NICN1: variants seen among roughly 807,000 people sequenced by gnomAD.
NICN1 encodes nicolin 1, tubulin polyglutamylase complex subunit, also known as nicolin-1.
In NICN1, 18 loss-of-function variants were observed where a neutral mutation model predicts 26.3. The ratio of observed to expected loss-of-function variants is 0.68; its 90% CI spans 0.47 to 1.01. The LOEUF (loss-of-function observed/expected upper bound fraction) is 1.01, where lower values mean the gene tolerates loss of function less well. NICN1 is among the 50% of genes least tolerant of loss of function. NICN1 has a pLI of 0.00. For synonymous variants in NICN1, 109 were observed against 111.0 expected, an observed-to-expected ratio of 0.98 and a Z score of 0.11; for missense variants, 239 against 278.3, an observed-to-expected ratio of 0.86 and a Z score of 1.00.
At position 49,425,950 on chromosome 3, in the gene NICN1, C is replaced by T. The variant is rs780788492; in HGVS notation, c.356G>A (p.Arg119Gln). The change falls in exon 3 of 6, where the codon CGG (arginine) becomes CAG (glutamine). Residue 119 changes from arginine to glutamine, a missense_variant. Coordinates refer to ENST00000273598, the MANE Select transcript of NICN1 (RefSeq NM_032316.3). The part of the protein sequence containing the change: ...ARISELRLIL[R>Q]QPSPLWLSFT... ...AGACAGCCACAGTGGTGATGGCTGCCGCAGAATCAGGCGTAGCTCCGATAT... is the reference window on the plus strand; with the variant it reads ...AGACAGCCACAGTGGTGATGGCTGCTGCAGAATCAGGCGTAGCTCCGATAT... 2.8e-5 allele frequency: 45 copies of T among 1,612,344 alleles called. No individual in the cohort carries two copies. Among genetic ancestry groups the T allele is most frequent in the South Asian group, 8.8e-5 (8 of 90,972 alleles).
In NICN1 at chr3:49,429,095, C is replaced by T. The variant is rs772287234; in HGVS notation, c.132+13G>A. The T allele has an allele frequency of 6.3e-7, 1 of 1,589,710 alleles. No individual in the cohort carries two copies. The highest frequency in any genetic ancestry group is 8.6e-7 in the Non-Finnish European group (1 of 1,167,734). Reference sequence around the variant, plus strand: ...GCCCGGGAGCCTCGGTCGCGCCCACCAGGCTTGCTCACCTCGAAGGGAGCG... The same window carrying T: ...GCCCGGGAGCCTCGGTCGCGCCCACTAGGCTTGCTCACCTCGAAGGGAGCG... On this transcript the variant is annotated intron_variant, in intron 1 of 5. Transcript: ENST00000273598.
At position 49,429,116 on chromosome 3, in the gene NICN1, G is replaced by A; in HGVS notation, c.124C>T (p.Pro42Ser). 2 of 1,606,716 alleles carry A rather than the reference G, an allele frequency of 1.2e-6. No individual in the cohort carries two copies. The highest frequency in any genetic ancestry group is 1.7e-6 in the Non-Finnish European group (2 of 1,176,762). The change falls in exon 1 of 6, where the codon CCC (proline) becomes TCC (serine). Residue 42 changes from proline (P) to serine (S), a missense_variant. Pro to Ser is a moderately conservative substitution (Grantham distance 74). Transcript: ENST00000273598. ...CCACCAGGCTTGCTCACCTCGAAGG[G>A]AGCGACGCTGGGGAAGGTGACATCG... ...VIDVTFPSVA[P>S]FELQEITFKN... is the part of the protein sequence containing the mutation.
At chr3:49,427,178 G>A (rs367582532) in intron 1 of NICN1, among the ~76,000 whole-genome samples, 2 of 152,046 alleles carry the variant, frequency 1.3e-5, no homozygotes, top group Non-Finnish European at 2.9e-5. Flanking sequence ...AAAATTAGCC[G>A]GGCTTGGTGG....
In NICN1 at chr3:49,426,379, C is replaced by T. The variant is rs779757417; in HGVS notation, c.182G>A (p.Arg61His). The T allele has an allele frequency of 1.3e-5, 21 of 1,613,968 alleles. No individual in the cohort carries two copies. The highest frequency in any genetic ancestry group is 1.6e-4 in the Middle Eastern group (1 of 6,084). The change falls in exon 2 of 6, where the codon CGT (arginine) becomes CAT (histidine). Residue 61 changes from arginine to histidine, a missense_variant. Arg to His is a conservative substitution (Grantham distance 29, BLOSUM62 0). Transcript: ENST00000273598. ...KNYYTAFLSI[R>H]VRQYTSAHTP... ...GTGTGCTGAGGTGTACTGACGGACA[C>T]GGATGCTCAAAAAAGCTGTGTAGTA...
chr3:49,422,460 C>A lies in NICN1; in HGVS notation c.*2373G>T. ...TTACAGCCCTCTGCATCGTCGCCTGCAACGAGTGCAGACGGCGCACAGAGG... is the reference window on the plus strand; with the variant it reads ...TTACAGCCCTCTGCATCGTCGCCTGAAACGAGTGCAGACGGCGCACAGAGG... On this transcript the variant is annotated 3_prime_UTR_variant, in exon 6 of 6. Coordinates refer to ENST00000273598, the MANE Select transcript of NICN1 (RefSeq NM_032316.3). 6.2e-7 allele frequency: 1 copy of A among 1,612,230 alleles called. No homozygotes were observed. Among genetic ancestry groups the A allele is most frequent in the Non-Finnish European group, 8.5e-7 (1 of 1,179,486 alleles).
rs1334148668 is a variant in NICN1, at chr3:49,429,155, C to G, written c.85G>C (p.Gly29Arg). ...GDVRTSQGRP[G>R]VLVIDVTFPS... ...AAGGTGACATCGATGACCAGCACGC[C>G]AGGCCGGCCTTGGGAGGTCCGCACG... Residue 29 changes from glycine (G) to arginine (R), a missense_variant, in exon 1 of 6, where the codon GGC becomes CGC. Coordinates refer to ENST00000273598, the MANE Select transcript of NICN1 (RefSeq NM_032316.3). 6.2e-7 allele frequency: 1 copy of G among 1,611,212 alleles called. No individual in the cohort carries two copies. Among genetic ancestry groups the G allele is most frequent in the Non-Finnish European group, 8.5e-7 (1 of 1,178,798 alleles).
chr3:49,426,854 G>C (rs1333919043), intron 1 of NICN1, among the ~76,000 whole-genome samples: 1 of 152,054 alleles, frequency 6.6e-6, no homozygotes, highest in Non-Finnish European at 1.5e-5. Flanking sequence ...AGACAATTCT[G>C]CCTTCCTAAA....
chr3:49,429,304 C>A lies in NICN1; in HGVS notation c.-65G>T. 1 of 1,501,294 alleles carries A rather than the reference C, an allele frequency of 6.7e-7. No homozygotes were observed. The highest frequency in any genetic ancestry group is 8.9e-7 in the Non-Finnish European group (1 of 1,119,650). The allele number at this position is 1,501,294 out of a possible 1,614,324, so 93.0% of individuals were successfully genotyped here. A position where few individuals can be genotyped will look rare whatever the true frequency, so the allele number is the denominator to read the frequency against. Reference sequence around the variant, plus strand: ...GCCCCCGACCACCAGCCCTTCCCGGCATCCTCAGCCGAGCCTCAAGAACTA... The same window carrying A: ...GCCCCCGACCACCAGCCCTTCCCGGAATCCTCAGCCGAGCCTCAAGAACTA... On this transcript the variant is annotated 5_prime_UTR_variant, in exon 1 of 6. An upstream start codon of the reference 5' UTR is lost. Coordinates refer to ENST00000273598, the MANE Select transcript of NICN1 (RefSeq NM_032316.3).
At chr3:49,427,012 C>A (rs2049175721) in intron 1 of NICN1, among the ~76,000 whole-genome samples, 1 of 152,094 alleles carries the variant, frequency 6.6e-6, no homozygotes, top group African/African-American at 2.4e-5. Flanking sequence ...AAGAGTTCAC[C>A]AAGTGGACTA....
In NICN1 at chr3:49,425,018, C is replaced by T. The variant is rs749341880; in HGVS notation, c.531G>A (p.Val177=). 9.9e-6 allele frequency: 16 copies of T among 1,614,016 alleles called. No homozygotes were observed. The Admixed American group carries it at 2.3e-4, about 24-fold the overall frequency. ...TCTCTGTCAGTGCCCACATCTGCTG[C>T]ACCTCGGAGGATACCCTGCTGGGGT... The part of the protein sequence containing the change: ...LPDPSRVSSE[V]QQMWALTEMI... Residue 177 remains valine (V), a synonymous_variant, in exon 5 of 6, where the codon GTG becomes GTA. Transcript: ENST00000273598.
At position 49,424,274 on chromosome 3, in the gene NICN1, G is replaced by A. The variant is rs1316531611; in HGVS notation, c.*559C>T. 1 of 164,920 alleles carries A rather than the reference G, an allele frequency of 6.1e-6. No homozygotes were observed. The highest frequency in any genetic ancestry group is 1.3e-5 in the Non-Finnish European group (1 of 75,780). The allele number at this position is 164,920 out of a possible 1,614,324, so 10.2% of individuals were successfully genotyped here. A position where few individuals can be genotyped will look rare whatever the true frequency, so the allele number is the denominator to read the frequency against. On this transcript the variant is annotated 3_prime_UTR_variant, in exon 6 of 6. Transcript: ENST00000273598. ...GCTCAGAAACCAAGAGACTCAGGCTGCCCAAATCTTCAGGTTTCCTTCCTA... is the reference window on the plus strand; with the variant it reads ...GCTCAGAAACCAAGAGACTCAGGCTACCCAAATCTTCAGGTTTCCTTCCTA...
chr3:49,426,196 C>T, intron 2 of NICN1, 56 bp downstream of exon 2: 1 of 1,557,366 alleles, frequency 6.4e-7, no homozygotes, highest in Non-Finnish European at 8.8e-7. Context: ...TCCAATCCCC[C>T]CACCTCTGGT....
At position 49,422,824 on chromosome 3, in the gene NICN1, T is replaced by G. The variant is rs2049135344; in HGVS notation, c.*2009A>C. 2.7e-6 allele frequency: 1 copy of G among 374,480 alleles called. No individual in the cohort carries two copies. The highest frequency in any genetic ancestry group is 2.1e-5 in the African/African-American group (1 of 47,454). 23.2% of individuals were successfully genotyped at this position (374,480 alleles called of 1,614,324 possible). ...CCTTTAGGACCTCAAGAGAGTAAGGTCAAGTGGGGGTGGGGAAGGTGGGCC... is the reference window on the plus strand; with the variant it reads ...CCTTTAGGACCTCAAGAGAGTAAGGGCAAGTGGGGGTGGGGAAGGTGGGCC... On this transcript the variant is annotated 3_prime_UTR_variant, in exon 6 of 6. Coordinates refer to ENST00000273598, the MANE Select transcript of NICN1 (RefSeq NM_032316.3).
intron 1 of NICN1, 136 bp downstream of exon 1, chr3:49,428,972 T>C: frequency 1.3e-6 from 1 of 768,214 alleles, no homozygotes; most frequent in Non-Finnish European, 2.0e-6. Context: ...ACTAAATAAA[T>C]GAATGATTAA....
At chr3:49,426,985 A>T (rs1190212649) in intron 1 of NICN1, among the ~76,000 whole-genome samples, 1 of 152,242 alleles carries the variant, frequency 6.6e-6, no homozygotes, top group East Asian at 1.9e-4. Flanking sequence ...AAATGTACAT[A>T]TGAGGCCTGA....
In NICN1 at chr3:49,422,535, G is replaced by C. The variant is rs2049129572; in HGVS notation, c.*2298C>G. 7.1e-7 allele frequency: 1 copy of C among 1,402,844 alleles called. No homozygotes were observed. Among genetic ancestry groups the C allele is most frequent in the Non-Finnish European group, 9.9e-7 (1 of 1,006,870 alleles). 86.9% of individuals were successfully genotyped at this position (1,402,844 alleles called of 1,614,324 possible). ...GAGATGTAGTCCAGGCCTCTGCTCG[G>C]ACAGGTCTCTCTCCGGAGCAAAGGA... is the stretch of plus-strand genomic sequence containing the variant. On this transcript the variant is annotated 3_prime_UTR_variant, in exon 6 of 6. Coordinates refer to ENST00000273598, the MANE Select transcript of NICN1 (RefSeq NM_032316.3).
At position 49,426,423 on chromosome 3, in the gene NICN1, C is replaced by G; in HGVS notation, c.138G>C (p.Gln46His). ...TFPSVAPFELQEITFKNYYTA... is the reference protein window; with the variant it reads ...TFPSVAPFELHEITFKNYYTA... Reference sequence around the variant, plus strand: ...TGTAGTAATTCTTAAACGTGATTTCCTGCAACTAGAACACATACAACCCAT... The same window carrying G: ...TGTAGTAATTCTTAAACGTGATTTCGTGCAACTAGAACACATACAACCCAT... The change falls in exon 2 of 6, where the codon CAG becomes CAC. Residue 46 changes from glutamine (Q) to histidine (H), a missense_variant. Gln to His is a conservative substitution (Grantham distance 24, BLOSUM62 0). Coordinates refer to ENST00000273598, the MANE Select transcript of NICN1 (RefSeq NM_032316.3). 6.2e-7 allele frequency: 1 copy of G among 1,613,968 alleles called. No individual in the cohort carries two copies. The highest frequency in any genetic ancestry group is 8.5e-7 in the Non-Finnish European group (1 of 1,179,888).
chr3:49,422,880 C>CT lies in NICN1; in HGVS notation c.*1952dup, dbSNP rs2049135933. ...GGCAGGTAGGCAGCACCACAGTAGTCTGTCCTCATGTGGACCCCTAGTTCC... is the reference window on the plus strand; with the variant it reads ...GGCAGGTAGGCAGCACCACAGTAGTCTTGTCCTCATGTGGACCCCTAGTTCC... On this transcript the variant is annotated 3_prime_UTR_variant, in exon 6 of 6. Coordinates refer to ENST00000273598, the MANE Select transcript of NICN1 (RefSeq NM_032316.3). 2.0e-5 allele frequency: 7 copies of CT among 347,366 alleles called. No individual in the cohort carries two copies. The highest frequency in any genetic ancestry group is 1.6e-4 in the South Asian group (7 of 43,482). The allele number at this position is 347,366 out of a possible 1,614,324, so 21.5% of individuals were successfully genotyped here. A position where few individuals can be genotyped will look rare whatever the true frequency, so the allele number is the denominator to read the frequency against.
chr3:49,427,533 C>T (rs1293088562), intron 1 of NICN1, among the ~76,000 whole-genome samples: 1 of 150,700 alleles, frequency 6.6e-6, no homozygotes, highest in East Asian at 1.9e-4. Context: ...ATCCCAGCTA[C>T]TCGGGAGGCT....
Sources: allele counts gnomAD v4.1 joint callset (sites outside exome capture counted in the v4.1 genomes callset), GRCh38; gene constraint gnomAD v4.1.1; transcripts MANE v1.5; gene names NCBI Gene and HGNC (gene_info 2026-07-23, HGNC 2026-07-21).